MGAM: variants seen among roughly 807,000 people sequenced by gnomAD.
The protein encoded by MGAM is alpha-1,4-glucosidase.
A neutral mutation model predicts 358.8 loss-of-function variants in MGAM; 253 were observed. The observed-to-expected ratio is 0.71, with a 90% CI of 0.64 to 0.78. The LOEUF (loss-of-function observed/expected upper bound fraction) is 0.78. MGAM is among the 30% of genes least tolerant of loss of function. The pLI, the probability that MGAM is intolerant of heterozygous loss-of-function variation, is 0.00. For synonymous variants in MGAM, 1,105 were observed against 1,227.1 expected, an observed-to-expected ratio of 0.90 and a Z score of 2.08; for missense variants, 3,080 against 3,432.6, an observed-to-expected ratio of 0.90 and a Z score of 2.57.
Position 142,031,703 on chromosome 7 carries a change from TC to T in MGAM, c.1496del (p.Pro499LeufsTer23). 6.2e-7 allele frequency: 1 copy of T among 1,612,968 alleles called. No homozygotes were observed. Among genetic ancestry groups the T allele is most frequent in the East Asian group, 2.2e-5 (1 of 44,846 alleles). On this transcript the variant is annotated frameshift_variant, in exon 13 of 71. Transcript: ENST00000475668. LOFTEE classifies it high-confidence loss of function. ...AGGTCTGGCCTGGACAAACTGTGTT[TC>T]CTGATTATACCAATCCCAACTGTGC... ...GEVWPGQTVF[P>X]DYTNPNCAVW...
intron 40 of MGAM, among the ~76,000 whole-genome samples, chr7:142,066,346 T>G (rs2961069): frequency 0.92 from 134,124 of 145,014 alleles, 63,205 homozygotes; most frequent in East Asian, 1. Context: ...AGGCAGAATT[T>G]TACCAAATGT....
In MGAM at chr7:142,027,238, G is replaced by A. The variant is rs1554461289; in HGVS notation, c.1095+11G>A. The A allele has an allele frequency of 1.3e-6, 2 of 1,577,084 alleles. No homozygotes were observed. The highest frequency in any genetic ancestry group is 1.3e-5 in the African/African-American group (1 of 74,172). ...CAAGAATATCTAGAGGTAAACTTAGGATGTCAAGATTATGACTCAGGAAAT... is the reference window on the plus strand; with the variant it reads ...CAAGAATATCTAGAGGTAAACTTAGAATGTCAAGATTATGACTCAGGAAAT... On this transcript the variant is annotated intron_variant, in intron 9 of 70. Transcript: ENST00000475668.
rs1584955762 is a variant in MGAM, at chr7:142,035,668, T to C, written c.1960-501T>C. On this transcript the variant is annotated intron_variant, in intron 16 of 70. Coordinates refer to ENST00000475668, the MANE Select transcript of MGAM (RefSeq NM_001365693.1). ...TATTTGATGTATCTATAAGGATTGG[T>C]GTGTGGGACTGGAATGAGAAATGAT... 3.3e-5 allele frequency among the ~76,000 whole-genome samples: 5 copies of C among 152,174 alleles called. No individual in the cohort carries two copies. In the South Asian group the frequency reaches 1.0e-3, roughly 32 times the overall value.
chr7:142,041,866 T>C (rs1244571117), intron 21 of MGAM, among the ~76,000 whole-genome samples: 2 of 106,140 alleles, frequency 1.9e-5, no homozygotes, highest in Admixed American at 3.1e-4. Context: ...TCATTTTATA[T>C]ATATATTATA....
At chr7:142,008,058 G>C (rs1291935663) in intron 2 of MGAM, among the ~76,000 whole-genome samples, 8 of 152,152 alleles carry the variant, frequency 5.3e-5, no homozygotes, top group Middle Eastern at 3.2e-3. Context: ...ACTTAATTTT[G>C]CCCTAGTAGC....
At chr7:142,097,155 T>G (rs1224693888) in intron 65 of MGAM, among the ~76,000 whole-genome samples, 2 of 151,910 alleles carry the variant, frequency 1.3e-5, no homozygotes, top group African/African-American at 4.8e-5. Context: ...GTCAGGATGG[T>G]CTTGATCTCC....
At chr7:142,039,080 G>T (rs111689300) in intron 19 of MGAM, among the ~76,000 whole-genome samples, 15 of 151,142 alleles carry the variant, frequency 9.9e-5, no homozygotes, top group African/African-American at 3.7e-4. Flanking sequence ...GGAACAAGAC[G>T]GGGTGGGGGG....
At chr7:142,086,137 C>G in intron 55 of MGAM, 81 bp from the exon 56 acceptor site, 1 of 1,427,888 alleles carries the variant, frequency 7.0e-7, no homozygotes, top group Non-Finnish European at 9.6e-7. Flanking sequence ...ACAAGTTCGC[C>G]CTGGAGGAGT....
At chr7:142,100,722 G>A in intron 67 of MGAM, 80 bp from the exon 68 acceptor site, 2 of 1,250,954 alleles carry the variant, frequency 1.6e-6, no homozygotes, top group Admixed American at 2.0e-5. Flanking sequence ...TCCCTTTGCT[G>A]CTTTATGTTT....
chr7:141,998,296 C>T (rs1377253774), intron 1 of MGAM, among the ~76,000 whole-genome samples: 3 of 152,072 alleles, frequency 2.0e-5, no homozygotes, highest in East Asian at 1.9e-4. Context: ...TGTGCAGGTT[C>T]GTTACATGGG....
chr7:142,084,272 C>T lies in MGAM; in HGVS notation c.6382-247C>T, dbSNP rs1009574834. Among the ~76,000 whole-genome samples, 4 of 145,740 alleles carry T rather than the reference C, an allele frequency of 2.7e-5. 1 individual carries two copies. The highest frequency in any genetic ancestry group is 2.2e-4 in the South Asian group (1 of 4,564). ...TGCCTCTGATTCTGGGTTTCTTAACCAGTTACCTACAGTGTCTCTAGGAAT... is the reference window on the plus strand; with the variant it reads ...TGCCTCTGATTCTGGGTTTCTTAACTAGTTACCTACAGTGTCTCTAGGAAT... On this transcript the variant is annotated intron_variant, in intron 53 of 70. Coordinates refer to ENST00000475668, the MANE Select transcript of MGAM (RefSeq NM_001365693.1).
At position 142,065,384 on chromosome 7, in the gene MGAM, A is replaced by G. The variant is rs199508271; in HGVS notation, c.4534A>G (p.Thr1512Ala). ...GQRGVVITRS[T>A]FPSSGRWAGH... ...GCGAGGGGTCGTCATCACCCGCTCCACATTTCCCTCTTCTGGCCGCTGGGC... is the reference window on the plus strand; with the variant it reads ...GCGAGGGGTCGTCATCACCCGCTCCGCATTTCCCTCTTCTGGCCGCTGGGC... Residue 1512 changes from threonine to alanine, a missense_variant, in exon 38 of 71, where the codon ACA (threonine) becomes GCA (alanine). Physicochemically the swap from Thr to Ala is moderately conservative, Grantham distance 58. Around this residue, in one of 5 missense-constraint regions of MGAM, gnomAD observed 134 missense variants for 198.4 expected, o/e 0.68. Transcript: ENST00000475668. 1.2e-6 allele frequency: 2 copies of G among 1,611,174 alleles called. No homozygotes were observed. The highest frequency in any genetic ancestry group is 1.7e-5 in the Admixed American group (1 of 59,670).
intron 3 of MGAM, among the ~76,000 whole-genome samples, chr7:142,015,026 G>A (rs529507387): frequency 1.3e-5 from 2 of 152,058 alleles, no homozygotes; most frequent in African/African-American, 2.4e-5. Flanking sequence ...TGGCTGTGCC[G>A]ATTTACCATC....
chr7:142,052,330 G>C lies in MGAM; in HGVS notation c.2842G>C (p.Glu948Gln). 1 of 1,608,270 alleles carries C rather than the reference G, an allele frequency of 6.2e-7. No homozygotes were observed. Among genetic ancestry groups the C allele is most frequent in the Non-Finnish European group, 8.5e-7 (1 of 1,177,042 alleles). ...IITDIDLLLG[E>Q]AYTVEWSIKI... ...CACAGATATTGATCTTCTCCTGGGA[G>C]AAGCATACACAGTGGAATGGAGCAT... Residue 948 changes from glutamate to glutamine, a missense_variant, in exon 25 of 71, where the codon GAA becomes CAA. This residue lies in a region of MGAM where 1,816 missense variants were observed against 1,840.5 expected (regional missense o/e 0.99). Coordinates refer to ENST00000475668, the MANE Select transcript of MGAM (RefSeq NM_001365693.1).
At chr7:141,996,633 C>T (rs553120847) in intron 1 of MGAM, among the ~76,000 whole-genome samples, 2 of 152,268 alleles carry the variant, frequency 1.3e-5, no homozygotes, top group Admixed American at 1.3e-4. Context: ...AGCATTTTCC[C>T]TCTGAAAGGA....
At chr7:142,101,800 TG>T (rs1409346771) in intron 68 of MGAM, among the ~76,000 whole-genome samples, 3 of 151,100 alleles carry the variant, frequency 2.0e-5, no homozygotes, top group Non-Finnish European at 4.4e-5. Flanking sequence ...CCCAGCTACT[TG>T]GGAGGCTGAG....
rs181117514 is a variant in MGAM, at chr7:142,023,944, G to A, written c.883-1106G>A. On this transcript the variant is annotated intron_variant, in intron 7 of 70. Coordinates refer to ENST00000475668, the MANE Select transcript of MGAM (RefSeq NM_001365693.1). ...TCTTCCATCTATTGAATTAAAATCTGCATTTAGGGCTGGGAGCAGTGGCTC... is the reference window on the plus strand; with the variant it reads ...TCTTCCATCTATTGAATTAAAATCTACATTTAGGGCTGGGAGCAGTGGCTC... Among the ~76,000 whole-genome samples the A allele has an allele frequency of 3.7e-3, 565 of 152,190 alleles. 2 individuals carry two copies. The highest frequency in any genetic ancestry group is 5.2e-3 in the Non-Finnish European group (354 of 67,988).
In MGAM at chr7:142,078,710, T is replaced by G. The variant is rs981132716; in HGVS notation, c.5647-98T>G. Reference sequence around the variant, plus strand: ...GCCAAGTGATAAGTGATAGGCTGGTTTTATTGTCATATAAAATGACTTTTC... The same window carrying G: ...GCCAAGTGATAAGTGATAGGCTGGTGTTATTGTCATATAAAATGACTTTTC... On this transcript the variant is annotated intron_variant, in intron 48 of 70. Transcript: ENST00000475668. 60 of 1,257,386 alleles carry G rather than the reference T, an allele frequency of 4.8e-5. 2 individuals are homozygous for G. In the African/African-American group the frequency reaches 8.1e-4, roughly 17 times the overall value. The allele number at this position is 1,257,386 out of a possible 1,614,324, so 77.9% of individuals were successfully genotyped here. A position where few individuals can be genotyped will look rare whatever the true frequency, so the allele number is the denominator to read the frequency against.
At chr7:142,041,100 T>C (rs1808487991) in intron 21 of MGAM, among the ~76,000 whole-genome samples, 1 of 152,152 alleles carries the variant, frequency 6.6e-6, no homozygotes, top group South Asian at 2.1e-4. Context: ...TTCTCATTTC[T>C]AGAGAACCTT....
Sources: allele counts gnomAD v4.1 joint callset (sites outside exome capture counted in the v4.1 genomes callset), GRCh38; gene constraint gnomAD v4.1.1; regional missense constraint gnomAD v4.1.1; transcripts MANE v1.5; gene names NCBI Gene and HGNC (gene_info 2026-07-23, HGNC 2026-07-21).